Variants in DLGAP2 observed in about 807,000 individuals in gnomAD.
DLGAP2 encodes the protein DLG associated protein 2, also known as disks large-associated protein 2.
In DLGAP2, 26 loss-of-function variants were observed where a neutral mutation model predicts 100.3. The observed-to-expected ratio is 0.26, with a 90% CI of 0.19 to 0.36. The LOEUF (loss-of-function observed/expected upper bound fraction) is 0.36. DLGAP2 is among the 10% of genes least tolerant of loss of function. DLGAP2 has a pLI of 1.00. For synonymous variants in DLGAP2, 886 were observed against 630.1 expected, an observed-to-expected ratio of 1.41 and a Z score of -6.08; for missense variants, 1,858 against 1,453.2, an observed-to-expected ratio of 1.28 and a Z score of -4.53.
At chr8:1,489,927 T>C (rs565228859) in intron 3 of DLGAP2, among the ~76,000 whole-genome samples, 4 of 152,304 alleles carry the variant, frequency 2.6e-5, no homozygotes, top group Admixed American at 1.3e-4. Flanking sequence ...AGTCTCACTC[T>C]GTCTCCCAGG....
chr8:1,591,805 C>T (rs1459749008), intron 6 of DLGAP2, among the ~76,000 whole-genome samples: 1 of 152,188 alleles, frequency 6.6e-6, no homozygotes, highest in Non-Finnish European at 1.5e-5. Flanking sequence ...GAGGGAAACC[C>T]TGCTGCCCTT....
intron 1 of DLGAP2, among the ~76,000 whole-genome samples, chr8:764,941 T>G (rs1051272678): frequency 7.9e-5 from 12 of 152,238 alleles, no homozygotes; most frequent in Non-Finnish European, 1.3e-4. Flanking sequence ...AATGAATGAT[T>G]CCTCAGCAAC....
chr8:1,663,582 G>A (rs982818733), intron 8 of DLGAP2, among the ~76,000 whole-genome samples: 5 of 152,138 alleles, frequency 3.3e-5, no homozygotes, highest in African/African-American at 1.2e-4. Context: ...AGATTTCCCT[G>A]TCCACAGATT....
chr8:1,212,699 G>T (rs1798130592), intron 2 of DLGAP2, among the ~76,000 whole-genome samples: 1 of 151,902 alleles, frequency 6.6e-6, no homozygotes, highest in African/African-American at 2.4e-5. Flanking sequence ...GAGTGATTAA[G>T]AAACCTTCTT....
chr8:1,042,401 G>A (rs552244222), intron 2 of DLGAP2, among the ~76,000 whole-genome samples: 22 of 152,312 alleles, frequency 1.4e-4, no homozygotes, highest in African/African-American at 4.6e-4. Context: ...GGTGGCTTAG[G>A]ATTTAACATC....
chr8:1,544,531 G>A (rs1801466193), intron 4 of DLGAP2, among the ~76,000 whole-genome samples: 1 of 152,156 alleles, frequency 6.6e-6, no homozygotes, highest in South Asian at 2.1e-4. Flanking sequence ...TCATGAAATA[G>A]TGTTGTACTT....
At chr8:1,189,249 A>G (rs999186869) in intron 2 of DLGAP2, among the ~76,000 whole-genome samples, 1 of 152,226 alleles carries the variant, frequency 6.6e-6, no homozygotes, top group Non-Finnish European at 1.5e-5. Flanking sequence ...TTGAGCATAC[A>G]CAGGGTTCGG....
At chr8:1,166,520 C>G (rs1306076622) in intron 2 of DLGAP2, among the ~76,000 whole-genome samples, 1 of 152,138 alleles carries the variant, frequency 6.6e-6, no homozygotes, top group Non-Finnish European at 1.5e-5. Flanking sequence ...ATATATTGCT[C>G]CATTTTGCTG....
rs149059987 is a variant in DLGAP2 at position 770,594 on chromosome 8, C to T, written c.18+32769C>T. On this transcript the variant is annotated intron_variant, in intron 1 of 14. Transcript: ENST00000637795. ...TCTCCTTGGCAGTTTCTGTGGGCTC[C>T]GAACAATTTCTAAGCATGCACCTCT... Among the ~76,000 whole-genome samples the T allele has an allele frequency of 8.9e-4, 136 of 152,206 alleles. 1 individual carries two copies. The highest frequency in any genetic ancestry group is 3.4e-3 in the Middle Eastern group (1 of 294).
At chr8:1,090,497 C>T (rs866805674) in intron 2 of DLGAP2, among the ~76,000 whole-genome samples, 15 of 152,246 alleles carry the variant, frequency 9.9e-5, no homozygotes, top group Admixed American at 2.6e-4. Context: ...CCAGCACAGG[C>T]ATGTGCACAG....
intron 1 of DLGAP2, among the ~76,000 whole-genome samples, chr8:854,492 G>T (rs1024523176): frequency 5.9e-5 from 9 of 152,140 alleles, no homozygotes; most frequent in East Asian, 5.8e-4. Flanking sequence ...GTAGCAGAAG[G>T]GGGGAGGTGG....
intron 1 of DLGAP2, among the ~76,000 whole-genome samples, chr8:870,024 G>T (rs1490080938): frequency 6.6e-6 from 1 of 150,768 alleles, no homozygotes; most frequent in Non-Finnish European, 1.5e-5. Flanking sequence ...AAAAAAAAAT[G>T]ATTTGAGACT....
chr8:1,293,158 T>C (rs1365293944), intron 3 of DLGAP2, among the ~76,000 whole-genome samples: 6 of 152,108 alleles, frequency 3.9e-5, no homozygotes, highest in Admixed American at 1.3e-4. Context: ...TGTCTCCCCC[T>C]CTCTCTCTGT....
chr8:824,876 G>A (rs150534106), intron 1 of DLGAP2, among the ~76,000 whole-genome samples: 236 of 152,236 alleles, frequency 1.6e-3, no homozygotes, highest in African/African-American at 5.2e-3. Flanking sequence ...GGAGCACCCC[G>A]CATTGTCCCC....
intron 3 of DLGAP2, among the ~76,000 whole-genome samples, chr8:1,390,173 C>T (rs1585327402): frequency 6.6e-6 from 1 of 150,680 alleles, no homozygotes; most frequent in Non-Finnish European, 1.5e-5. Flanking sequence ...CTGAGCTCTC[C>T]AGATGTAAAC....
chr8:1,329,332 A>G (rs1435614284), intron 3 of DLGAP2, among the ~76,000 whole-genome samples: 1 of 152,196 alleles, frequency 6.6e-6, no homozygotes, highest in Non-Finnish European at 1.5e-5. Context: ...TTTCTGGCTG[A>G]TTGAGATTAA....
At chr8:855,561 G>C (rs62486371) in intron 1 of DLGAP2, among the ~76,000 whole-genome samples, 36,289 of 152,082 alleles carry the variant, frequency 0.24, 4,767 homozygotes, top group Non-Finnish European at 0.3. Context: ...AGGAGTGAGA[G>C]GGGGATAGGT....
chr8:1,413,927 G>C (rs981103794), intron 3 of DLGAP2, among the ~76,000 whole-genome samples: 1 of 151,830 alleles, frequency 6.6e-6, no homozygotes, highest in African/African-American at 2.4e-5. Flanking sequence ...TTTTCAAAAA[G>C]AGCTCCAAAC....
intron 8 of DLGAP2, among the ~76,000 whole-genome samples, chr8:1,640,158 C>A (rs1253640368): frequency 6.6e-6 from 1 of 152,168 alleles, no homozygotes; most frequent in Non-Finnish European, 1.5e-5. Flanking sequence ...AAGGGGAACC[C>A]ATTTCTCTTC....
Sources: gnomAD v4.1 joint callset for allele counts (sites outside exome capture counted in the v4.1 genomes callset) on GRCh38, gnomAD v4.1.1 for gene constraint, MANE v1.5 for transcripts, NCBI Gene and HGNC (gene_info 2026-07-23, HGNC 2026-07-21) for gene names.